Variants in G3BP1 observed in about 807,000 individuals in gnomAD.
G3BP1 encodes ras GTPase-activating protein-binding protein 1.
G3BP1 carries 35 observed loss-of-function variants against 58.6 expected under a neutral mutation model. The observed-to-expected ratio is 0.60, with a 90% confidence interval of 0.46 to 0.79. The LOEUF is 0.79. Ranked by LOEUF, G3BP1 falls within the 30% of genes least tolerant of loss-of-function variation. G3BP1 has a pLI of 0.00. For missense variants in G3BP1, 523 were observed against 580.8 expected, an observed-to-expected ratio of 0.90 and a Z score of 1.02; for synonymous variants, 191 against 195.4, an observed-to-expected ratio of 0.98 and a Z score of 0.19.
chr5:151,804,999 C>G lies in G3BP1; in HGVS notation c.*908C>G, dbSNP rs1762917698. 6.6e-6 allele frequency: 1 copy of G among 152,434 alleles called. No homozygotes were observed. The highest frequency in any genetic ancestry group is 1.5e-5 in the Non-Finnish European group (1 of 68,006). 9.4% of individuals were successfully genotyped at this position (152,434 alleles called of 1,614,324 possible). A position where few individuals can be genotyped will look rare whatever the true frequency, so the allele number is the denominator to read the frequency against. On this transcript the variant is annotated 3_prime_UTR_variant, in exon 12 of 12. Coordinates refer to ENST00000356245, the MANE Select transcript of G3BP1 (RefSeq NM_005754.3). ...GAATTATAGAATCCCTCTTTCATCA[C>G]TTTGTGTATGTCTTTTGTTAACATA...
chr5:151,798,563 A>C (rs1320829144), intron 7 of G3BP1, among the ~76,000 whole-genome samples: 1 of 152,240 alleles, frequency 6.6e-6, no homozygotes, highest in African/African-American at 2.4e-5. Context: ...CAATTGATGT[A>C]ATTGAGTCGA....
At chr5:151,799,146 A>G (rs955940666) in intron 7 of G3BP1, 66 bp from the exon 8 acceptor site, 9 of 808,858 alleles carry the variant, frequency 1.1e-5, no homozygotes, top group Admixed American at 8.7e-5. Context: ...GGAAATCAAG[A>G]GTTAGTAGCT....
chr5:151,801,917 C>T (rs1381014261), intron 11 of G3BP1, among the ~76,000 whole-genome samples: 1 of 151,932 alleles, frequency 6.6e-6, no homozygotes, highest in Non-Finnish European at 1.5e-5. Flanking sequence ...TGGGTTCAAG[C>T]AGTTCTCCTG....
chr5:151,779,635 T>C (rs1406041557), intron 1 of G3BP1, among the ~76,000 whole-genome samples: 1 of 152,238 alleles, frequency 6.6e-6, no homozygotes, highest in South Asian at 2.1e-4. Flanking sequence ...ATTTTTCTTT[T>C]TAATAATGTT....
chr5:151,782,944 G>A (rs563875363), intron 1 of G3BP1, among the ~76,000 whole-genome samples: 156 of 138,876 alleles, frequency 1.1e-3, no homozygotes, highest in South Asian at 3.1e-3. Context: ...TGCAACCTCC[G>A]TCTGCTAGGT....
chr5:151,800,413 A>C, intron 10 of G3BP1, 67 bp downstream of exon 10: 1 of 1,148,798 alleles, frequency 8.7e-7, no homozygotes. Flanking sequence ...GTAGCAATAG[A>C]AAATGAGCCA....
chr5:151,785,616 T>A (rs1389856375), intron 1 of G3BP1, among the ~76,000 whole-genome samples: 1 of 152,218 alleles, frequency 6.6e-6, no homozygotes, highest in African/African-American at 2.4e-5. Flanking sequence ...TGGTAATAGC[T>A]TACAATAATT....
rs1429336848 is a variant in G3BP1 at position 151,808,681 on chromosome 5, GTACAGTGTGCA to G, written c.*4600_*4610del. The G allele has an allele frequency of 6.6e-6, 1 of 152,180 alleles. No individual in the cohort carries two copies. Among genetic ancestry groups the G allele is most frequent in the African/African-American group, 2.4e-5 (1 of 41,442 alleles). The allele number at this position is 152,180 out of a possible 1,614,324, so 9.4% of individuals were successfully genotyped here. ...GTGGCCAGTGTCCCAGATTTGTAAG[GTACAGTGTGCA>G]TACAGTGTGTCTTAGGATTTTTTTA... On this transcript the variant is annotated 3_prime_UTR_variant, in exon 12 of 12. Transcript: ENST00000356245.
chr5:151,799,452 G>A (rs1762812879), intron 8 of G3BP1, 139 bp downstream of exon 8: 1 of 625,016 alleles, frequency 1.6e-6, no homozygotes, highest in African/African-American at 1.8e-5. Context: ...TTAGGAGGCT[G>A]AAGCCAGCTG....
chr5:151,795,193 G>A (rs561022225), intron 5 of G3BP1, among the ~76,000 whole-genome samples: 76 of 152,290 alleles, frequency 5.0e-4, no homozygotes, highest in Non-Finnish European at 1.5e-4. Flanking sequence ...GGAGAATGGC[G>A]TGAACCCAGG....
At chr5:151,800,915 G>C (rs749608969) in intron 11 of G3BP1, 46 bp downstream of exon 11, 3 of 932,842 alleles carry the variant, frequency 3.2e-6, no homozygotes, top group Admixed American at 2.0e-5. Context: ...TTTTAAAAAG[G>C]GTTTTGGTTC....
In G3BP1 at chr5:151,804,882, C is replaced by A. The variant is rs1028194456; in HGVS notation, c.*791C>A. ...AACCCAGATAACAACCAGAGCAAAA[C>A]TGTTGTGCCTTCTATTTATCTTTGA... On this transcript the variant is annotated 3_prime_UTR_variant, in exon 12 of 12. Transcript: ENST00000356245. 5.2e-5 allele frequency: 8 copies of A among 152,398 alleles called. No homozygotes were observed. The highest frequency in any genetic ancestry group is 1.9e-4 in the African/African-American group (8 of 41,426). 9.4% of individuals were successfully genotyped at this position (152,398 alleles called of 1,614,324 possible). A position where few individuals can be genotyped will look rare whatever the true frequency, so the allele number is the denominator to read the frequency against.
intron 1 of G3BP1, among the ~76,000 whole-genome samples, chr5:151,783,173 G>A (rs1254991588): frequency 6.6e-6 from 1 of 151,970 alleles, no homozygotes; most frequent in Non-Finnish European, 1.5e-5. Context: ...TGACTAATCT[G>A]TTTAAATTTG....
chr5:151,810,886 T>C lies in G3BP1; in HGVS notation c.*6795T>C, dbSNP rs1763008571. On this transcript the variant is annotated 3_prime_UTR_variant, in exon 12 of 12. Transcript: ENST00000356245. ...CACTGGCCAGTTTGAGGTGCTTCCA[T>C]TGGTCTGGGTAACTAGCCATTTCTT... The C allele has an allele frequency of 6.6e-6, 1 of 152,258 alleles. No individual in the cohort carries two copies. Among genetic ancestry groups the C allele is most frequent in the Admixed American group, 6.5e-5 (1 of 15,288 alleles). 9.4% of individuals were successfully genotyped at this position (152,258 alleles called of 1,614,324 possible).
At chr5:151,795,697 A>G in intron 6 of G3BP1, 122 bp downstream of exon 6, 1 of 554,568 alleles carries the variant, frequency 1.8e-6, no homozygotes. Flanking sequence ...TTCTCAGAAG[A>G]ATGGTTTTGT....
At chr5:151,788,040 T>C (rs974026092) in intron 2 of G3BP1, among the ~76,000 whole-genome samples, 10 of 151,850 alleles carry the variant, frequency 6.6e-5, no homozygotes, top group African/African-American at 2.2e-4. Flanking sequence ...TCCTCCCACC[T>C]CAGCCTCCTG....
rs77757526 is a variant in G3BP1, at chr5:151,782,572, T to C, written c.-49-4000T>C. 6.6e-3 allele frequency among the ~76,000 whole-genome samples: 1,006 copies of C among 152,260 alleles called. 11 individuals carry two copies. Among genetic ancestry groups the C allele is most frequent in the African/African-American group, 0.022 (923 of 41,544 alleles). ...CAACATCCATTGGTGTATGCTGTTA[T>C]ATTAGGAACAGCCAAAGTCCATAGT... On this transcript the variant is annotated intron_variant, in intron 1 of 11. Coordinates refer to ENST00000356245, the MANE Select transcript of G3BP1 (RefSeq NM_005754.3).
intron 11 of G3BP1, among the ~76,000 whole-genome samples, chr5:151,802,119 A>T (rs1762865399): frequency 6.6e-6 from 1 of 152,168 alleles, no homozygotes; most frequent in Non-Finnish European, 1.5e-5. Context: ...ACCTGGCCTT[A>T]CTGCATAGTT....
chr5:151,804,356 T>C lies in G3BP1; in HGVS notation c.*265T>C, dbSNP rs552687074. 3.2e-5 allele frequency: 11 copies of C among 347,610 alleles called. No homozygotes were observed. In the South Asian group the frequency reaches 1.4e-3, roughly 43 times the overall value. The allele number at this position is 347,610 out of a possible 1,614,324, so 21.5% of individuals were successfully genotyped here. On this transcript the variant is annotated 3_prime_UTR_variant, in exon 12 of 12. Coordinates refer to ENST00000356245, the MANE Select transcript of G3BP1 (RefSeq NM_005754.3). ...AAGAAGCAAAAAAAAAGACTGAATT[T>C]CCTTGCTTACTTTGCATATACAGAC...
Sources: gnomAD v4.1 joint callset for allele counts (sites outside exome capture counted in the v4.1 genomes callset) on GRCh38, gnomAD v4.1.1 for gene constraint, MANE v1.5 for transcripts, NCBI Gene and HGNC (gene_info 2026-07-23, HGNC 2026-07-21) for gene names.